IL23R: variants seen among roughly 807,000 people sequenced by gnomAD.
IL23R encodes the protein interleukin-23 receptor.
IL23R carries 34 observed loss-of-function variants against 56.9 expected under a neutral mutation model. That is an observed-to-expected ratio of 0.60 (90% CI 0.45 to 0.80). The LOEUF is 0.80. Among genes scored for constraint, IL23R ranks in the 30% least tolerant of loss-of-function variants. IL23R has a pLI of 0.00. For missense variants in IL23R, 635 were observed against 730.0 expected (o/e 0.87, Z 1.50); for synonymous variants, 230 against 249.2 (o/e 0.92, Z 0.73).
chr1:67,169,764 G>A, intron 3 of IL23R, 126 bp downstream of exon 3: 2 of 929,112 alleles, frequency 2.2e-6, no homozygotes, highest in Non-Finnish European at 1.7e-6. Context: ...TTTCATACAG[G>A]AGCTGCAAAC....
At chr1:67,236,270 A>G (rs1207791922) in intron 7 of IL23R, among the ~76,000 whole-genome samples, 5 of 152,242 alleles carry the variant, frequency 3.3e-5, no homozygotes, top group Non-Finnish European at 7.3e-5. Flanking sequence ...GAGAAGGTGA[A>G]CAGCATCCCA....
Position 67,224,194 on chromosome 1 carries a change from C to T in IL23R, c.955+4464C>T, listed in dbSNP as rs774058679. On this transcript the variant is annotated intron_variant, in intron 7 of 10. Transcript: ENST00000347310. ...AATAATTACATAAATTACATTGCAT[C>T]ATACATAAAGATGTAAATAAAAGCA... Among the ~76,000 whole-genome samples, 118 of 152,260 alleles carry T rather than the reference C, an allele frequency of 7.7e-4. 1 individual carries two copies. The highest frequency in any genetic ancestry group is 9.6e-4 in the Non-Finnish European group (65 of 68,026).
At chr1:67,252,627 G>C (rs957977234) in intron 9 of IL23R, among the ~76,000 whole-genome samples, 2 of 152,064 alleles carry the variant, frequency 1.3e-5, no homozygotes, top group African/African-American at 4.8e-5. Context: ...AGTGCTCCTG[G>C]GGGTCGTTAG....
At chr1:67,198,868 C>A in intron 4 of IL23R, among the ~76,000 whole-genome samples, 1 of 152,114 alleles carries the variant, frequency 6.6e-6, no homozygotes, top group East Asian at 1.9e-4. Context: ...TCACTCGAGC[C>A]CAGGAGGTCA....
intron 7 of IL23R, among the ~76,000 whole-genome samples, chr1:67,235,934 C>T (rs1162343751): frequency 6.6e-6 from 1 of 152,158 alleles, no homozygotes. Context: ...GGATCCAAGG[C>T]TTAGAGCCAT....
At chr1:67,232,024 GA>G (rs1314428798) in intron 7 of IL23R, among the ~76,000 whole-genome samples, 1 of 151,894 alleles carries the variant, frequency 6.6e-6, no homozygotes, top group Non-Finnish European at 1.5e-5. Flanking sequence ...TGTCTCAAAA[GA>G]AAAAAATTGA....
chr1:67,220,347 C>T (rs1352069828), intron 7 of IL23R, among the ~76,000 whole-genome samples: 1 of 150,044 alleles, frequency 6.7e-6, no homozygotes, highest in Non-Finnish European at 1.5e-5. Context: ...CCAGCCTGGC[C>T]AAGAGAGAGA....
In IL23R at chr1:67,259,075, C is replaced by T; in HGVS notation, c.1837C>T (p.Pro613Ser). ...EELPSINTYF[P>S]QNILESHFNR... ...GTTGCCATCTATTAATACTTATTTT[C>T]CACAAAATATTTTGGAAAGCCACTT... Residue 613 changes from proline (P) to serine (S), a missense_variant, in exon 11 of 11, where the codon CCA (proline) becomes TCA (serine). Physicochemically the swap from Pro to Ser is moderately conservative, Grantham distance 74. Transcript: ENST00000347310. 2 of 1,613,824 alleles carry T rather than the reference C, an allele frequency of 1.2e-6. No individual in the cohort carries two copies. Among genetic ancestry groups the T allele is most frequent in the Non-Finnish European group, 1.7e-6 (2 of 1,179,914 alleles).
At position 67,152,872 on chromosome 1, in the gene IL23R, G is replaced by A. The variant is rs113755862; in HGVS notation, c.-634+13711G>A. Among the ~76,000 whole-genome samples, 16 of 152,238 alleles carry A rather than the reference G, an allele frequency of 1.1e-4. No homozygotes were observed. The East Asian group carries it at 2.1e-3, about 20-fold the overall frequency. On this transcript the variant is annotated intron_variant, in intron 1 of 10. Transcript: ENST00000637002. ...TGCCAGTATTTAATTGAGGATTTTC[G>A]CATTGATGTTCATTAGGGATATTGG...
intron 6 of IL23R, among the ~76,000 whole-genome samples, chr1:67,209,678 T>C (rs1333425120): frequency 2.0e-5 from 3 of 152,184 alleles, no homozygotes; most frequent in African/African-American, 4.8e-5. Flanking sequence ...ATCAACAGCA[T>C]GAAAACAGAC....
At chr1:67,215,376 T>TGC (rs964292401) in intron 6 of IL23R, among the ~76,000 whole-genome samples, 19 of 152,336 alleles carry the variant, frequency 1.2e-4, no homozygotes, top group African/African-American at 4.6e-4. Context: ...CCTATGTCTT[T>TGC]GCATGAGCTC....
intron 7 of IL23R, among the ~76,000 whole-genome samples, chr1:67,227,878 A>T (rs975370973): frequency 3.3e-5 from 5 of 152,304 alleles, no homozygotes; most frequent in African/African-American, 4.8e-5. Context: ...GCAGAATAGG[A>T]AACAATTCAG....
intron 1 of IL23R, among the ~76,000 whole-genome samples, chr1:67,146,161 G>A (rs2102527764): frequency 6.6e-6 from 1 of 152,290 alleles, no homozygotes; most frequent in East Asian, 1.9e-4. Context: ...TCAACATCAT[G>A]TAGGCCAAAA....
intron 8 of IL23R, among the ~76,000 whole-genome samples, chr1:67,238,247 C>T (rs1651612890): frequency 6.6e-6 from 1 of 150,524 alleles, no homozygotes; most frequent in Non-Finnish European, 1.5e-5. Context: ...ACTTGGGAGG[C>T]TGAGGTGGGA....
chr1:67,249,060 T>G (rs902814016), intron 9 of IL23R, among the ~76,000 whole-genome samples: 1 of 152,208 alleles, frequency 6.6e-6, no homozygotes, highest in African/African-American at 2.4e-5. Flanking sequence ...ATAACCCGCC[T>G]TCTGCGTTGA....
At chr1:67,242,424 A>T (rs1651914086) in intron 9 of IL23R, among the ~76,000 whole-genome samples, 4 of 152,126 alleles carry the variant, frequency 2.6e-5, no homozygotes, top group Admixed American at 2.6e-4. Flanking sequence ...TCATAGAGGC[A>T]TAAGCAAGAA....
intron 1 of IL23R, among the ~76,000 whole-genome samples, chr1:67,147,690 C>A (rs1646692110): frequency 6.6e-6 from 1 of 151,882 alleles, no homozygotes; most frequent in African/African-American, 2.4e-5. Flanking sequence ...GGCGACAGAG[C>A]AGACTCTGTC....
intron 4 of IL23R, 26 bp downstream of exon 4, chr1:67,182,985 A>G: frequency 6.2e-7 from 1 of 1,613,396 alleles, no homozygotes; most frequent in Non-Finnish European, 8.5e-7. Context: ...ACGGCTTCAT[A>G]TAAGCAGTTC....
chr1:67,222,102 C>CTTTTTTTTTTTTTTTTTT (rs72241835), intron 7 of IL23R, among the ~76,000 whole-genome samples: 110 of 58,904 alleles, frequency 1.9e-3, no homozygotes, highest in Admixed American at 2.5e-3. Flanking sequence ...TTCTTTCTTT[C>CTTTTTTTTTTTTTTTTTT]TTTTTTTTTT....
Sources: gnomAD v4.1 joint callset for allele counts (sites outside exome capture counted in the v4.1 genomes callset) on GRCh38, gnomAD v4.1.1 for gene constraint, MANE v1.5 for transcripts, NCBI Gene and HGNC (gene_info 2026-07-23, HGNC 2026-07-21) for gene names.